MYRIP: variants seen among roughly 807,000 people sequenced by gnomAD.
MYRIP encodes myosin VIIA and Rab interacting protein.
Under a neutral mutation model 98.0 loss-of-function variants are expected in MYRIP, and 49 were observed. The observed-to-expected ratio is 0.50, with a 90% CI of 0.40 to 0.63. The LOEUF (loss-of-function observed/expected upper bound fraction) is 0.63. Among genes scored for constraint, MYRIP ranks in the 30% least tolerant of loss-of-function variants. The pLI is 0.00. For synonymous variants in MYRIP, 404 were observed against 409.5 expected, an observed-to-expected ratio of 0.99 and a Z score of 0.16; for missense variants, 1,004 against 1,058.2, an observed-to-expected ratio of 0.95 and a Z score of 0.71.
intron 7 of MYRIP, 37 bp from the exon 8 acceptor site, chr3:40,169,913 C>T (rs1559432187): frequency 1.2e-6 from 2 of 1,613,700 alleles, no homozygotes; most frequent in Admixed American, 1.7e-5. Context: ...GGAGGCCTCT[C>T]CAATAACTTG....
chr3:40,144,743 T>C (rs1353424146), intron 3 of MYRIP, among the ~76,000 whole-genome samples: 1 of 152,248 alleles, frequency 6.6e-6, no homozygotes, highest in Non-Finnish European at 1.5e-5. Context: ...ATTCTGAAAA[T>C]AGCTTTATCA....
rs1269747023 is a variant in MYRIP at position 40,159,532 on chromosome 3, A to G, written c.470-3198A>G. Among the ~76,000 whole-genome samples, 95 of 151,466 alleles carry G rather than the reference A, an allele frequency of 6.3e-4. 1 individual carries two copies. The highest frequency in any genetic ancestry group is 5.9e-4 in the Non-Finnish European group (40 of 67,674). On this transcript the variant is annotated intron_variant, in intron 4 of 16. Transcript: ENST00000302541. ...CATTCTCTGTATTTCCTGAATCTGA[A>G]TGTTGGCCTGCCTTGCTAGATTGGG...
Position 40,190,177 on chromosome 3 carries a change from C to T in MYRIP, c.1379C>T (p.Ala460Val), listed in dbSNP as rs774933545. ...TGCTCTGACTCGGAGACCTCCTCCG[C>T]AGGCTCTTCCCGAGAAGTTGGGCAC... ...AMCSDSETSSAGSSREVGHQA... is the reference protein window; with the variant it reads ...AMCSDSETSSVGSSREVGHQA... Residue 460 changes from alanine (A) to valine (V), a missense_variant, in exon 10 of 17, where the codon GCA becomes GTA. Coordinates refer to ENST00000302541, the MANE Select transcript of MYRIP (RefSeq NM_015460.4). 5 of 1,614,160 alleles carry T rather than the reference C, an allele frequency of 3.1e-6. No homozygotes were observed. In the Admixed American group the frequency reaches 6.7e-5, roughly 22 times the overall value.
intron 3 of MYRIP, among the ~76,000 whole-genome samples, chr3:40,093,926 T>C (rs954451522): frequency 2.6e-5 from 4 of 152,154 alleles, no homozygotes; most frequent in African/African-American, 9.7e-5. Context: ...TTTCCACCTG[T>C]ATATTTCCCC....
intron 1 of MYRIP, among the ~76,000 whole-genome samples, chr3:39,891,101 T>A (rs959857244): frequency 6.6e-6 from 1 of 152,190 alleles, no homozygotes; most frequent in Non-Finnish European, 1.5e-5. Flanking sequence ...TGTTTCTTAT[T>A]TTCCCAGTTG....
chr3:39,978,612 C>T (rs980172863), intron 2 of MYRIP, among the ~76,000 whole-genome samples: 5 of 152,168 alleles, frequency 3.3e-5, no homozygotes, highest in Admixed American at 3.3e-4. Flanking sequence ...CAGTCTTCCC[C>T]GAAATTTGGC....
intron 11 of MYRIP, among the ~76,000 whole-genome samples, chr3:40,211,264 G>C (rs545859931): frequency 1.3e-5 from 2 of 152,264 alleles, no homozygotes; most frequent in African/African-American, 4.8e-5. Flanking sequence ...TGTTTTCTGT[G>C]TCCCAAGTAT....
chr3:39,826,168 T>G (rs1190541259), intron 1 of MYRIP, among the ~76,000 whole-genome samples: 2 of 152,034 alleles, frequency 1.3e-5, no homozygotes, highest in Non-Finnish European at 2.9e-5. Flanking sequence ...TCAATTTTGC[T>G]TATTTCTGCT....
intron 1 of MYRIP, among the ~76,000 whole-genome samples, chr3:39,838,596 C>T (rs1257534133): frequency 6.6e-6 from 1 of 152,016 alleles, no homozygotes; most frequent in African/African-American, 2.4e-5. Context: ...TAATGTGCTG[C>T]TGGATTCGGT....
chr3:39,953,836 T>C (rs9809955), intron 2 of MYRIP, among the ~76,000 whole-genome samples: 10,483 of 152,150 alleles, frequency 0.069, 564 homozygotes, highest in East Asian at 0.18. Context: ...TACTGCACTT[T>C]TCCAAACGGC....
chr3:40,190,228 G>A lies in MYRIP; in HGVS notation c.1430G>A (p.Arg477Lys), dbSNP rs1265628961. ...CAGGCCAGACTGTCCTGGTTGCAGAGGAAGGCCCCCAGGAACCCTGCAGCT... is the reference window on the plus strand; with the variant it reads ...CAGGCCAGACTGTCCTGGTTGCAGAAGAAGGCCCCCAGGAACCCTGCAGCT... The part of the protein sequence containing the change: ...GHQARLSWLQ[R>K]KAPRNPAAEK... Residue 477 changes from arginine to lysine, a missense_variant, in exon 10 of 17, where the codon AGG (arginine) becomes AAG (lysine). Arg to Lys is a conservative substitution (Grantham distance 26, BLOSUM62 2). This residue lies in a region of MYRIP where 880 missense variants were observed against 907.7 expected (regional missense o/e 0.97). Coordinates refer to ENST00000302541, the MANE Select transcript of MYRIP (RefSeq NM_015460.4). The A allele has an allele frequency of 1.9e-6, 3 of 1,614,004 alleles. No homozygotes were observed. Among genetic ancestry groups the A allele is most frequent in the African/African-American group, 1.3e-5 (1 of 74,890 alleles).
chr3:39,853,045 G>C (rs1183392270), intron 1 of MYRIP, among the ~76,000 whole-genome samples: 1 of 152,208 alleles, frequency 6.6e-6, no homozygotes, highest in Admixed American at 6.5e-5. Context: ...GCCTCCCAGA[G>C]TGCTGGGATT....
chr3:40,240,535 G>A (rs1195141780), intron 12 of MYRIP, among the ~76,000 whole-genome samples: 2 of 152,162 alleles, frequency 1.3e-5, no homozygotes, highest in Admixed American at 6.5e-5. Context: ...GGTGACAGAC[G>A]GCACCTGGAA....
intron 2 of MYRIP, among the ~76,000 whole-genome samples, chr3:40,022,012 A>G (rs1947010599): frequency 1.3e-5 from 2 of 152,232 alleles, no homozygotes; most frequent in Non-Finnish European, 2.9e-5. Flanking sequence ...CAAAGGAAGA[A>G]TTGATCAAAT....
intron 3 of MYRIP, chr3:40,099,975 A>G: frequency 1.0e-6 from 1 of 984,464 alleles, no homozygotes; most frequent in Non-Finnish European, 1.2e-6. Context: ...CTGAGATTTC[A>G]CAGCTCTCCG....
intron 8 of MYRIP, among the ~76,000 whole-genome samples, chr3:40,170,921 G>A (rs984592163): frequency 3.3e-5 from 5 of 152,144 alleles, no homozygotes; most frequent in East Asian, 1.9e-4. Context: ...AGATTAAAAC[G>A]AGGGCATGCA....
intron 1 of MYRIP, among the ~76,000 whole-genome samples, chr3:39,824,636 G>T (rs1325157812): frequency 1.3e-5 from 2 of 150,800 alleles, no homozygotes; most frequent in Admixed American, 6.6e-5. Flanking sequence ...ATTGTAAATG[G>T]GATTGCCTTC....
intron 2 of MYRIP, among the ~76,000 whole-genome samples, chr3:39,990,725 A>G (rs370976612): frequency 6.6e-6 from 1 of 152,154 alleles, no homozygotes. Context: ...TCCCTTTGCC[A>G]AGTAAACATT....
rs551331633 is a variant in MYRIP, at chr3:40,138,043, T to C, written c.333-13005T>C. On this transcript the variant is annotated intron_variant, in intron 3 of 16. Transcript: ENST00000302541. The stretch of plus-strand genomic sequence containing the variant: ...CCATCAGTAAAACACTTCATTACAG[T>C]CATTCTCCCTAGGGAAATGGAGCAA... Among the ~76,000 whole-genome samples, 6 of 152,334 alleles carry C rather than the reference T, an allele frequency of 3.9e-5. No individual in the cohort carries two copies. The South Asian group carries it at 1.0e-3, about 26-fold the overall frequency.
Sources: gnomAD v4.1 joint callset for allele counts (sites outside exome capture counted in the v4.1 genomes callset) on GRCh38, gnomAD v4.1.1 for gene constraint, gnomAD v4.1.1 regional missense constraint, MANE v1.5 for transcripts, NCBI Gene and HGNC (gene_info 2026-07-23, HGNC 2026-07-21) for gene names.